The following FHOD3 variants were observed in gnomAD, a reference collection of about 807,000 sequenced individuals.
FHOD3 encodes the protein formin homology 2 domain containing 3, also known as FH1/FH2 domain-containing protein 3.
FHOD3 carries 90 observed loss-of-function variants against 173.0 expected under a neutral mutation model. The observed-to-expected ratio is 0.52, with a 90% CI of 0.44 to 0.62. The LOEUF is 0.62. Ranked by LOEUF, FHOD3 falls within the 20% of genes least tolerant of loss-of-function variation. The probability of loss-of-function intolerance (pLI) is 0.00; values close to 1 mark genes in which losing one functional copy is unlikely to be tolerated. For synonymous variants in FHOD3, 828 were observed against 823.0 expected (o/e 1.01, Z -0.10); for missense variants, 1,945 against 2,034.7 (o/e 0.96, Z 0.85).
intron 1 of FHOD3, among the ~76,000 whole-genome samples, chr18:36,318,853 GT>G (rs1460707832): frequency 1.3e-5 from 2 of 152,196 alleles, no homozygotes; most frequent in Admixed American, 1.3e-4. Flanking sequence ...GATATTGGCT[GT>G]GGGTTTGTCA....
chr18:36,523,870 A>AG (rs1450690855), intron 5 of FHOD3, among the ~76,000 whole-genome samples: 1 of 152,212 alleles, frequency 6.6e-6, no homozygotes, highest in Non-Finnish European at 1.5e-5. Context: ...TAGGATTCCC[A>AG]GGCTGTTACC....
At chr18:36,397,884 T>C (rs1191857279) in intron 3 of FHOD3, among the ~76,000 whole-genome samples, 1 of 152,212 alleles carries the variant, frequency 6.6e-6, no homozygotes, top group Non-Finnish European at 1.5e-5. Context: ...GGAGGGTTGA[T>C]GAAGGACTTG....
chr18:36,756,723 C>G lies in FHOD3; in HGVS notation c.4425+1412C>G, dbSNP rs143612438. ...GATAATCATTTCTCTTACCATCCAC[C>G]TTTGTGTAAGCTCCTTGTTTTCTTG... On this transcript the variant is annotated intron_variant, in intron 25 of 28. Transcript: ENST00000590592. 3.3e-5 allele frequency among the ~76,000 whole-genome samples: 5 copies of G among 152,300 alleles called. No individual in the cohort carries two copies. In the East Asian group the frequency reaches 9.6e-4, roughly 29 times the overall value.
At chr18:36,649,527 T>A in intron 11 of FHOD3, 122 bp downstream of exon 11, 1 of 653,982 alleles carries the variant, frequency 1.5e-6, no homozygotes, top group South Asian at 2.2e-5. Flanking sequence ...AAACTCTTAC[T>A]TACCCTGTTC....
chr18:36,580,893 T>TA, intron 6 of FHOD3, among the ~76,000 whole-genome samples: 1 of 152,354 alleles, frequency 6.6e-6, no homozygotes, highest in South Asian at 2.1e-4. Context: ...CTGGAAAGGT[T>TA]ACCTTGACAT....
chr18:36,757,939 G>C (rs1183071395), intron 25 of FHOD3, among the ~76,000 whole-genome samples: 1 of 152,182 alleles, frequency 6.6e-6, no homozygotes. Flanking sequence ...CTCCCACGTT[G>C]GAGGGCAGTG....
chr18:36,727,710 A>C (rs980899160), intron 19 of FHOD3, among the ~76,000 whole-genome samples: 1 of 152,146 alleles, frequency 6.6e-6, no homozygotes, highest in African/African-American at 2.4e-5. Context: ...GGCCAAGGGC[A>C]TGTCAGGCTC....
At chr18:36,629,175 A>G (rs2034326532) in intron 10 of FHOD3, among the ~76,000 whole-genome samples, 1 of 152,184 alleles carries the variant, frequency 6.6e-6, no homozygotes. Flanking sequence ...CAGGGTCTGC[A>G]AACTTTCTCT....
intron 2 of FHOD3, among the ~76,000 whole-genome samples, chr18:36,370,900 T>C (rs912896134): frequency 6.6e-6 from 1 of 152,210 alleles, no homozygotes; most frequent in African/African-American, 2.4e-5. Flanking sequence ...AAAAGCTGTC[T>C]ATAATTCAAT....
At position 36,709,155 on chromosome 18, in the gene FHOD3, G is replaced by T. The variant is rs1363631991; in HGVS notation, c.2297G>T (p.Gly766Val). The change falls in exon 18 of 29, where the codon GGG (glycine) becomes GTG (valine). Residue 766 changes from glycine (G) to valine (V), a missense_variant. Gly to Val is a moderately radical substitution (Grantham distance 109). Coordinates refer to ENST00000590592, the MANE Select transcript of FHOD3 (RefSeq NM_001281740.3). ...EAEPEAEAGA[G>V]QVADEAGQDI... The stretch of plus-strand genomic sequence containing the variant: ...GAACCGGAAGCAGAGGCAGGGGCGG[G>T]GCAGGTTGCTGATGAAGCTGGCCAG... 2 of 1,614,024 alleles carry T rather than the reference G, an allele frequency of 1.2e-6. No homozygotes were observed. The highest frequency in any genetic ancestry group is 1.7e-5 in the Admixed American group (1 of 60,002).
rs1600520100 is a variant in FHOD3, at chr18:36,744,259, C to T, written c.4041+66C>T. The T allele has an allele frequency of 4.6e-6, 7 of 1,530,606 alleles. No homozygotes were observed. In the East Asian group the frequency reaches 1.6e-4, roughly 35 times the overall value. The allele number at this position is 1,530,606 out of a possible 1,614,324, so 94.8% of individuals were successfully genotyped here. On this transcript the variant is annotated intron_variant, in intron 23 of 28. Transcript: ENST00000590592. Reference sequence around the variant, plus strand: ...CAGCCACGGGATCTTTATCGGTCATCCTCGAGGAACACGAGCCCTATTAAG... The same window carrying T: ...CAGCCACGGGATCTTTATCGGTCATTCTCGAGGAACACGAGCCCTATTAAG...
rs2050228566 is a variant in FHOD3, at chr18:36,426,087, G to T, written c.337+53343G>T. Among the ~76,000 whole-genome samples, 5 of 151,630 alleles carry T rather than the reference G, an allele frequency of 3.3e-5. No individual in the cohort carries two copies. In the South Asian group the frequency reaches 1.0e-3, roughly 32 times the overall value. On this transcript the variant is annotated intron_variant, in intron 3 of 28. Transcript: ENST00000590592. ...GCCCGGCTAATTTTTTGTATTTTTA[G>T]TGGAGACGGGGTTTCACCATGTTAG...
chr18:36,355,106 A>G (rs917347823), intron 1 of FHOD3, among the ~76,000 whole-genome samples: 1 of 152,220 alleles, frequency 6.6e-6, no homozygotes, highest in African/African-American at 2.4e-5. Flanking sequence ...TAGAATCTGA[A>G]TCAGTAGGCT....
chr18:36,692,082 T>A (rs1355731804), intron 16 of FHOD3, among the ~76,000 whole-genome samples: 1 of 152,196 alleles, frequency 6.6e-6, no homozygotes, highest in Non-Finnish European at 1.5e-5. Context: ...GCAAGTGTGG[T>A]CCGAAGGGTG....
chr18:36,345,754 A>G (rs2045849853), intron 1 of FHOD3, among the ~76,000 whole-genome samples: 1 of 152,262 alleles, frequency 6.6e-6, no homozygotes, highest in Non-Finnish European at 1.5e-5. Context: ...AAAATAATAA[A>G]GATAAGAATA....
At chr18:36,360,434 C>A (rs984892324) in intron 2 of FHOD3, among the ~76,000 whole-genome samples, 22 of 152,326 alleles carry the variant, frequency 1.4e-4, no homozygotes, top group Non-Finnish European at 2.8e-4. Flanking sequence ...ATGCTGTTCA[C>A]TTTCTCTCAT....
intron 1 of FHOD3, among the ~76,000 whole-genome samples, chr18:36,300,608 T>C (rs985199813): frequency 2.0e-5 from 3 of 151,944 alleles, no homozygotes; most frequent in Non-Finnish European, 4.4e-5. Context: ...TGACAAGAAG[T>C]GGAGTTCTGT....
chr18:36,605,285 A>G (rs2848907), intron 8 of FHOD3, among the ~76,000 whole-genome samples: 39,566 of 152,042 alleles, frequency 0.26, 5,344 homozygotes, highest in Middle Eastern at 0.33. Flanking sequence ...AACATTACCT[A>G]TTTTATTGAT....
At chr18:36,475,447 A>G (rs1025591124) in intron 3 of FHOD3, among the ~76,000 whole-genome samples, 2 of 137,870 alleles carry the variant, frequency 1.5e-5, no homozygotes, top group African/African-American at 2.7e-5. Flanking sequence ...TTAAATAGGT[A>G]GTTCAAGCAG....
Sources: gnomAD v4.1 joint callset for allele counts (sites outside exome capture counted in the v4.1 genomes callset) on GRCh38, gnomAD v4.1.1 for gene constraint, MANE v1.5 for transcripts, NCBI Gene and HGNC (gene_info 2026-07-23, HGNC 2026-07-21) for gene names.